MAGI2: variants seen among roughly 807,000 people sequenced by gnomAD.
The protein encoded by MAGI2 is membrane-associated guanylate kinase, WW and PDZ domain-containing protein 2.
MAGI2 carries 35 observed loss-of-function variants against 133.3 expected under a neutral mutation model. That is an observed-to-expected ratio of 0.26 (90% CI 0.20 to 0.35). The LOEUF (loss-of-function observed/expected upper bound fraction) is 0.35. Ranked by LOEUF, MAGI2 falls within the 10% of genes least tolerant of loss-of-function variation. The probability of loss-of-function intolerance (pLI) is 1.00; values close to 1 mark genes in which losing one functional copy is unlikely to be tolerated. For missense variants in MAGI2, 1,636 were observed against 1,863.4 expected (o/e 0.88, Z 2.25); for synonymous variants, 729 against 710.6 (o/e 1.03, Z -0.41).
chr7:78,309,821 G>A (rs1012243770), intron 9 of MAGI2, among the ~76,000 whole-genome samples: 2 of 145,738 alleles, frequency 1.4e-5, no homozygotes, highest in African/African-American at 5.2e-5. Flanking sequence ...TAACCTCTGT[G>A]AGGCTCAGAC....
chr7:78,151,202 A>G (rs908023755), intron 16 of MAGI2, among the ~76,000 whole-genome samples: 3 of 152,020 alleles, frequency 2.0e-5, no homozygotes, highest in African/African-American at 7.2e-5. Context: ...GGAATTGAAT[A>G]AATAGGTCCT....
chr7:79,058,132 G>A (rs1813334253), intron 1 of MAGI2, among the ~76,000 whole-genome samples: 1 of 151,966 alleles, frequency 6.6e-6, no homozygotes, highest in African/African-American at 2.4e-5. Context: ...GGAACTGAGA[G>A]AACAACAAGG....
intron 6 of MAGI2, among the ~76,000 whole-genome samples, chr7:78,480,430 A>G (rs968242140): frequency 5.9e-5 from 9 of 152,008 alleles, no homozygotes; most frequent in East Asian, 1.9e-4. Context: ...ATCACAAAAC[A>G]TAGACACAAA....
chr7:78,157,068 T>C (rs1422830540), intron 16 of MAGI2, among the ~76,000 whole-genome samples: 1 of 152,236 alleles, frequency 6.6e-6, no homozygotes, highest in African/African-American at 2.4e-5. Flanking sequence ...ACACTTCGCA[T>C]TTCTCTTCAA....
chr7:78,221,221 A>G (rs1328769471), intron 10 of MAGI2, among the ~76,000 whole-genome samples: 1 of 152,058 alleles, frequency 6.6e-6, no homozygotes, highest in East Asian at 1.9e-4. Context: ...TTCCTTTGCT[A>G]GTGTATTCTG....
At chr7:78,225,236 G>A (rs924951209) in intron 10 of MAGI2, among the ~76,000 whole-genome samples, 2 of 152,172 alleles carry the variant, frequency 1.3e-5, no homozygotes, top group Non-Finnish European at 2.9e-5. Flanking sequence ...ATCCCCGTGA[G>A]CAGGTTGCCT....
intron 2 of MAGI2, among the ~76,000 whole-genome samples, chr7:78,885,963 G>A (rs1344558596): frequency 2.6e-5 from 4 of 152,122 alleles, no homozygotes; most frequent in African/African-American, 9.7e-5. Context: ...CCAGTTTATT[G>A]ATTCTCTTTA....
chr7:79,095,324 T>A (rs942204931), intron 1 of MAGI2, among the ~76,000 whole-genome samples: 2 of 152,208 alleles, frequency 1.3e-5, no homozygotes, highest in African/African-American at 2.4e-5. Context: ...ATATCAGCAA[T>A]AAGGTTGTGT....
chr7:79,140,344 T>C (rs911693643), intron 1 of MAGI2, among the ~76,000 whole-genome samples: 1 of 152,190 alleles, frequency 6.6e-6, no homozygotes, highest in African/African-American at 2.4e-5. Context: ...ATTATTAGTC[T>C]GGGAAACATA....
At chr7:78,044,708 C>CTGTGTGCGTGTGT (rs1563046484) in intron 21 of MAGI2, among the ~76,000 whole-genome samples, 59 of 37,872 alleles carry the variant, frequency 1.6e-3, no homozygotes, top group African/African-American at 0.013. Flanking sequence ...TGTGTGTGCA[C>CTGTGTGCGTGTGT]GTGTGCACAC....
Position 78,236,607 on chromosome 7 carries a change from C to T in MAGI2, c.2047+19336G>A, listed in dbSNP as rs74445005. Among the ~76,000 whole-genome samples the T allele has an allele frequency of 4.8e-3, 725 of 152,276 alleles. 8 individuals are homozygous for T. The highest frequency in any genetic ancestry group is 0.017 in the African/African-American group (692 of 41,554). On this transcript the variant is annotated intron_variant, in intron 10 of 21. Transcript: ENST00000354212. The stretch of plus-strand genomic sequence containing the variant: ...ATATATCCACTAGAACAATTACTTA[C>T]ATTTATACTGATAACTGATGAAGGT...
chr7:79,118,458 TGCATC>T (rs1819595974), intron 1 of MAGI2, among the ~76,000 whole-genome samples: 1 of 152,188 alleles, frequency 6.6e-6, no homozygotes, highest in Non-Finnish European at 1.5e-5. Flanking sequence ...TAAACATTAT[TGCATC>T]TAGTAGAAAG....
intron 1 of MAGI2, among the ~76,000 whole-genome samples, chr7:79,344,641 G>A (rs909382803): frequency 2.0e-5 from 3 of 152,242 alleles, no homozygotes; most frequent in Admixed American, 1.3e-4. Flanking sequence ...CTGGAACTTC[G>A]GATTTGTACA....
intron 2 of MAGI2, among the ~76,000 whole-genome samples, chr7:78,765,357 T>TTTC (rs894509281): frequency 7.0e-6 from 1 of 142,858 alleles, no homozygotes; most frequent in African/African-American, 2.6e-5. Context: ...TTTTTTTTTT[T>TTTC]TTTTTTTTGA....
At chr7:79,092,025 C>T (rs1284715487) in intron 1 of MAGI2, among the ~76,000 whole-genome samples, 1 of 151,914 alleles carries the variant, frequency 6.6e-6, no homozygotes, top group Non-Finnish European at 1.5e-5. Context: ...ATGCTATACA[C>T]TATGCTAACC....
At chr7:78,521,740 C>G in intron 3 of MAGI2, 95 bp from the exon 4 acceptor site, 8 of 1,023,586 alleles carry the variant, frequency 7.8e-6, no homozygotes, top group Non-Finnish European at 1.2e-5. Flanking sequence ...ACATTTTTAT[C>G]CTATTTTATA....
At chr7:78,525,002 AC>A (rs1200724808) in intron 3 of MAGI2, among the ~76,000 whole-genome samples, 1 of 152,112 alleles carries the variant, frequency 6.6e-6, no homozygotes, top group Non-Finnish European at 1.5e-5. Context: ...AAGTAAAAAA[AC>A]CTTTTACTAA....
chr7:78,917,854 C>G (rs760868087), intron 2 of MAGI2, among the ~76,000 whole-genome samples: 3 of 152,114 alleles, frequency 2.0e-5, no homozygotes, highest in Non-Finnish European at 4.4e-5. Flanking sequence ...TACAACTCAG[C>G]CACAGCTAAA....
intron 2 of MAGI2, among the ~76,000 whole-genome samples, chr7:78,856,926 G>A (rs1199511370): frequency 2.0e-5 from 3 of 151,864 alleles, no homozygotes; most frequent in Admixed American, 6.6e-5. Context: ...CTTTTATTTT[G>A]TTGAGCAGTG....
Sources: gnomAD v4.1 joint callset for allele counts (sites outside exome capture counted in the v4.1 genomes callset) on GRCh38, gnomAD v4.1.1 for gene constraint, MANE v1.5 for transcripts, NCBI Gene and HGNC (gene_info 2026-07-23, HGNC 2026-07-21) for gene names.